RGS7: variants seen among roughly 807,000 people sequenced by gnomAD.
RGS7 encodes the protein regulator of G protein signaling 7, also known as regulator of G-protein signaling 7.
In RGS7, 27 loss-of-function variants were observed where a neutral mutation model predicts 81.1. The observed-to-expected ratio is 0.33, with a 90% CI of 0.25 to 0.46. The LOEUF (loss-of-function observed/expected upper bound fraction) is 0.46. Among genes scored for constraint, RGS7 ranks in the 20% least tolerant of loss-of-function variants. The pLI is 1.00. For missense variants in RGS7, 396 were observed against 607.4 expected (o/e 0.65, Z 3.66); for synonymous variants, 208 against 207.7 (o/e 1.00, Z -0.01).
At chr1:241,335,506 T>G in intron 2 of RGS7, among the ~76,000 whole-genome samples, 1 of 152,222 alleles carries the variant, frequency 6.6e-6, no homozygotes. Context: ...AGTCAACCAA[T>G]GTATCAAATC....
intron 3 of RGS7, among the ~76,000 whole-genome samples, chr1:241,070,698 G>T (rs1036473297): frequency 5.3e-5 from 8 of 152,160 alleles, no homozygotes; most frequent in African/African-American, 1.9e-4. Flanking sequence ...GGGAGGCTGG[G>T]AATGGGTCAA....
At chr1:241,067,758 A>G (rs894277898) in intron 3 of RGS7, among the ~76,000 whole-genome samples, 2 of 151,982 alleles carry the variant, frequency 1.3e-5, no homozygotes, top group Admixed American at 1.3e-4. Context: ...CAGGTGATCC[A>G]CCTGCCTCGG....
intron 4 of RGS7, among the ~76,000 whole-genome samples, chr1:240,967,864 CA>C (rs1393989412): frequency 6.6e-6 from 1 of 151,572 alleles, no homozygotes; most frequent in Non-Finnish European, 1.5e-5. Flanking sequence ...TTCGAAATTA[CA>C]AAAAGCAAAT....
intron 6 of RGS7, among the ~76,000 whole-genome samples, chr1:240,914,733 C>T (rs1390252844): frequency 6.6e-6 from 1 of 152,124 alleles, no homozygotes; most frequent in African/African-American, 2.4e-5. Flanking sequence ...TGGAAGTCAT[C>T]CCTCCCATCC....
chr1:241,088,744 A>C (rs542606893), intron 3 of RGS7, among the ~76,000 whole-genome samples: 1 of 152,044 alleles, frequency 6.6e-6, no homozygotes, highest in South Asian at 2.1e-4. Flanking sequence ...CCATAAACAG[A>C]CCATAAGAGA....
Position 240,869,761 on chromosome 1 carries a change from G to A in RGS7, c.450+294C>T, listed in dbSNP as rs137905303. On this transcript the variant is annotated intron_variant, in intron 7 of 18. Coordinates refer to ENST00000440928, the MANE Select transcript of RGS7 (RefSeq NM_001364886.1). Reference sequence around the variant, plus strand: ...TCAAGACCAGCCTGGCCAACATGACGAAACCCAGTCTCTACTAAAAATACA... The same window carrying A: ...TCAAGACCAGCCTGGCCAACATGACAAAACCCAGTCTCTACTAAAAATACA... Among the ~76,000 whole-genome samples, 1,059 of 152,064 alleles carry A rather than the reference G, an allele frequency of 7.0e-3. 10 individuals carry two copies. The highest frequency in any genetic ancestry group is 0.025 in the African/African-American group (1,025 of 41,478).
intron 3 of RGS7, among the ~76,000 whole-genome samples, chr1:241,062,693 G>C (rs1158594039): frequency 6.6e-6 from 1 of 151,808 alleles, no homozygotes; most frequent in Non-Finnish European, 1.5e-5. Context: ...TTTCCCCAAA[G>C]GTCTTTGCTT....
intron 2 of RGS7, among the ~76,000 whole-genome samples, chr1:241,152,676 GGT>G (rs1273701882): frequency 6.6e-6 from 1 of 152,192 alleles, no homozygotes; most frequent in Non-Finnish European, 1.5e-5. Context: ...CAATGTGGTT[GGT>G]TCTGGCCAAT....
At chr1:240,944,258 A>G (rs1247341252) in intron 4 of RGS7, among the ~76,000 whole-genome samples, 1 of 31,812 alleles carries the variant, frequency 3.1e-5, no homozygotes, top group Non-Finnish European at 5.7e-5. Flanking sequence ...CTGTTATATT[A>G]TATGTGTGTG....
intron 3 of RGS7, among the ~76,000 whole-genome samples, chr1:240,983,432 C>G (rs1311214235): frequency 6.6e-6 from 1 of 152,160 alleles, no homozygotes; most frequent in Non-Finnish European, 1.5e-5. Context: ...TTAAGCATCT[C>G]CTATATTTCA....
chr1:240,956,214 C>A (rs1375049365), intron 4 of RGS7, among the ~76,000 whole-genome samples: 2 of 151,950 alleles, frequency 1.3e-5, no homozygotes, highest in African/African-American at 4.8e-5. Context: ...GGGCTGGGAA[C>A]AAAAGCAACA....
At chr1:240,911,747 C>G (rs1671781498) in intron 6 of RGS7, among the ~76,000 whole-genome samples, 1 of 152,088 alleles carries the variant, frequency 6.6e-6, no homozygotes, top group Non-Finnish European at 1.5e-5. Flanking sequence ...CAGTCAGAAA[C>G]CTTGGGTTCC....
At chr1:240,946,960 T>G (rs1427105746) in intron 4 of RGS7, among the ~76,000 whole-genome samples, 1 of 152,190 alleles carries the variant, frequency 6.6e-6, no homozygotes, top group Non-Finnish European at 1.5e-5. Flanking sequence ...TATATATACA[T>G]GCATTGAAAC....
At chr1:241,173,320 G>A (rs542542830) in intron 2 of RGS7, among the ~76,000 whole-genome samples, 1 of 152,274 alleles carries the variant, frequency 6.6e-6, no homozygotes, top group South Asian at 2.1e-4. Context: ...AAGATGGCTT[G>A]CCTGTCTTAC....
intron 9 of RGS7, among the ~76,000 whole-genome samples, chr1:240,835,254 C>A (rs1231542369): frequency 6.6e-6 from 1 of 152,138 alleles, no homozygotes; most frequent in Non-Finnish European, 1.5e-5. Flanking sequence ...TAAGAAGATA[C>A]CACAACCCAA....
intron 2 of RGS7, among the ~76,000 whole-genome samples, chr1:241,258,332 A>T (rs1052903171): frequency 2.6e-5 from 4 of 152,184 alleles, no homozygotes; most frequent in Admixed American, 6.5e-5. Context: ...TGAGAAAACC[A>T]TTCTAGACTA....
At chr1:241,269,428 G>C (rs2077757428) in intron 2 of RGS7, among the ~76,000 whole-genome samples, 1 of 152,218 alleles carries the variant, frequency 6.6e-6, no homozygotes, top group African/African-American at 2.4e-5. Context: ...CCTCGAGCAA[G>C]GCCTCCTGCC....
At chr1:241,197,831 CAAA>C (rs55756508) in intron 2 of RGS7, among the ~76,000 whole-genome samples, 4 of 113,054 alleles carry the variant, frequency 3.5e-5, no homozygotes, top group Admixed American at 9.5e-5. Context: ...GATAAAAGAC[CAAA>C]AAAAAAAAAA....
intron 18 of RGS7, among the ~76,000 whole-genome samples, chr1:240,790,947 T>C (rs1418478): frequency 0.026 from 3,960 of 152,336 alleles, 166 homozygotes; most frequent in African/African-American, 0.09. Flanking sequence ...TAGATATTAA[T>C]ATGCCTATTT....
Sources: allele counts gnomAD v4.1 joint callset (sites outside exome capture counted in the v4.1 genomes callset), GRCh38; gene constraint gnomAD v4.1.1; transcripts MANE v1.5; gene names NCBI Gene and HGNC (gene_info 2026-07-23, HGNC 2026-07-21).